The following PCDHGB4 variants were observed in gnomAD, a reference collection of about 807,000 sequenced individuals.
PCDHGB4 encodes protocadherin gamma subfamily B, 4.
PCDHGB4 carries 38 observed loss-of-function variants against 60.5 expected under a neutral mutation model. The observed-to-expected ratio is 0.63, with a 90% confidence interval of 0.48 to 0.82. PCDHGB4 has a LOEUF of 0.82. Among genes scored for constraint, PCDHGB4 ranks in the 40% least tolerant of loss-of-function variants. The probability of loss-of-function intolerance (pLI) is 0.00; values close to 1 mark genes in which losing one functional copy is unlikely to be tolerated. For synonymous variants in PCDHGB4, 456 were observed against 509.7 expected, an observed-to-expected ratio of 0.89 and a Z score of 1.42; for missense variants, 1,109 against 1,209.6, an observed-to-expected ratio of 0.92 and a Z score of 1.23.
Position 141,432,295 on chromosome 5 carries a change from G to A in PCDHGB4, c.2397+42014G>A. 6.2e-7 allele frequency: 1 copy of A among 1,614,222 alleles called. No individual in the cohort carries two copies. The highest frequency in any genetic ancestry group is 8.5e-7 in the Non-Finnish European group (1 of 1,180,034). ...ACGTGTCCATCAACTCCGACACTGG[G>A]GTACTGTATGCGCTGAGCTCCTTCG... is the stretch of plus-strand genomic sequence containing the variant. On this transcript the variant is annotated intron_variant, in intron 1 of 3. Coordinates refer to ENST00000519479, the MANE Select transcript of PCDHGB4 (RefSeq NM_003736.4). This position sits in a 1 kb window ranked among gnomAD's most constrained non-coding sequence, Gnocchi z 6.0.
In PCDHGB4 at chr5:141,432,931, G is replaced by A. The variant is rs2097550450; in HGVS notation, c.2397+42650G>A. The A allele has an allele frequency of 6.2e-7, 1 of 1,614,198 alleles. No individual in the cohort carries two copies. The highest frequency in any genetic ancestry group is 2.2e-5 in the East Asian group (1 of 44,864). Reference sequence around the variant, plus strand: ...TGCGGCGCTGGCACAAGTCACGCCTGCTGCAGGCTTCAGGAGGCGGCTTGA... The same window carrying A: ...TGCGGCGCTGGCACAAGTCACGCCTACTGCAGGCTTCAGGAGGCGGCTTGA... On this transcript the variant is annotated intron_variant, in intron 1 of 3. Transcript: ENST00000519479. The surrounding 1 kb of genome is among the most constrained non-coding windows in gnomAD (Gnocchi z 6.0).
chr5:141,421,216 T>G, intron 1 of PCDHGB4: 1 of 1,567,154 alleles, frequency 6.4e-7, no homozygotes, highest in Non-Finnish European at 8.6e-7. Flanking sequence ...GAATATCGGC[T>G]TAGAGCCTGC....
In PCDHGB4 at chr5:141,485,470, T is replaced by C; in HGVS notation, c.2398-9337T>C. ...ACCGAGAGGCACTGTGTGGGCTCAG[T>C]GCCAGCTGCATCGTGCCCCTGGAGT... On this transcript the variant is annotated intron_variant, in intron 1 of 3. Coordinates refer to ENST00000519479, the MANE Select transcript of PCDHGB4 (RefSeq NM_003736.4). This position sits in a 1 kb window ranked among gnomAD's most constrained non-coding sequence, Gnocchi z 5.7. 1.9e-6 allele frequency: 3 copies of C among 1,614,110 alleles called. No individual in the cohort carries two copies. The highest frequency in any genetic ancestry group is 2.5e-6 in the Non-Finnish European group (3 of 1,180,002).
At chr5:141,400,533 C>T in intron 1 of PCDHGB4, 11 of 1,613,902 alleles carry the variant, frequency 6.8e-6, no homozygotes, top group Non-Finnish European at 9.3e-6. Context: ...TGGTGAGTTT[C>T]ATTTATGTCT....
intron 1 of PCDHGB4, chr5:141,409,877 G>A: frequency 6.2e-7 from 1 of 1,612,860 alleles, no homozygotes; most frequent in Non-Finnish European, 8.5e-7. Context: ...CAATGACAAC[G>A]CACCGCGGGT....
rs2099883795 is a variant in PCDHGB4 at position 141,511,444 on chromosome 5, A to C, written c.*271A>C. 3.0e-6 allele frequency: 2 copies of C among 665,362 alleles called. No individual in the cohort carries two copies. The highest frequency in any genetic ancestry group is 3.6e-5 in the African/African-American group (2 of 54,978). 41.2% of individuals were successfully genotyped at this position (665,362 alleles called of 1,614,324 possible). On this transcript the variant is annotated 3_prime_UTR_variant, in exon 4 of 4. Coordinates refer to ENST00000519479, the MANE Select transcript of PCDHGB4 (RefSeq NM_003736.4). ...GGGTAGTGGGGTTACTGTAGACACC[A>C]AGAACCATTTGCCACACCCCGTTTA...
chr5:141,428,304 G>C, intron 1 of PCDHGB4: 1 of 695,706 alleles, frequency 1.4e-6, no homozygotes, highest in South Asian at 1.6e-5. Flanking sequence ...AGATTTACCT[G>C]GTCGTGGCCT....
intron 1 of PCDHGB4, among the ~76,000 whole-genome samples, chr5:141,407,088 G>T (rs955657125): frequency 4.6e-5 from 7 of 152,058 alleles, no homozygotes; most frequent in African/African-American, 1.7e-4. Context: ...ATGAAGAATT[G>T]TTTTATTTGT....
intron 1 of PCDHGB4, chr5:141,428,054 G>A (rs763394113): frequency 6.2e-7 from 1 of 1,609,038 alleles, no homozygotes; most frequent in Admixed American, 1.7e-5. Context: ...CCAAGGTGGT[G>A]GCGGTGGACG....
At chr5:141,403,699 T>G (rs780425739) in intron 1 of PCDHGB4, 6 of 1,613,934 alleles carry the variant, frequency 3.7e-6, no homozygotes, top group East Asian at 2.2e-5. Context: ...TTTACCGAGT[T>G]AAAGTCCTTG....
chr5:141,472,751 G>A (rs1000022316), intron 1 of PCDHGB4, among the ~76,000 whole-genome samples: 5 of 151,850 alleles, frequency 3.3e-5, no homozygotes, highest in East Asian at 3.9e-4. Flanking sequence ...TTTGGGAGGC[G>A]GAGGCTGGCA....
chr5:141,428,167 G>GCGTGA (rs746443726), intron 1 of PCDHGB4: 3 of 1,548,998 alleles, frequency 1.9e-6, no homozygotes, highest in South Asian at 1.1e-5. Context: ...TGGTTGCTGT[G>GCGTGA]CGTGACGGAG....
chr5:141,478,499 G>A (rs77463374), intron 1 of PCDHGB4: 18 of 1,612,728 alleles, frequency 1.1e-5, no homozygotes, highest in African/African-American at 2.7e-5. Context: ...CTGTGATCCG[G>A]TGTTCTATAG....
intron 1 of PCDHGB4, among the ~76,000 whole-genome samples, chr5:141,488,510 G>A (rs910546464): frequency 1.3e-5 from 2 of 152,152 alleles, no homozygotes; most frequent in Non-Finnish European, 2.9e-5. Context: ...TCCACATTTG[G>A]GGTCTGGGGT....
chr5:141,501,299 AC>A (rs1446641380), intron 2 of PCDHGB4, among the ~76,000 whole-genome samples: 1 of 149,208 alleles, frequency 6.7e-6, no homozygotes, highest in African/African-American at 2.5e-5. Flanking sequence ...ATACACACAC[AC>A]ACACACACAC....
intron 1 of PCDHGB4, among the ~76,000 whole-genome samples, chr5:141,439,398 T>C (rs2098110369): frequency 6.6e-6 from 1 of 152,212 alleles, no homozygotes; most frequent in Admixed American, 6.5e-5. Context: ...TTCGACTTCA[T>C]GTGCTAACAT....
Position 141,495,452 on chromosome 5 carries a change from CTCTG to C in PCDHGB4, c.2456+593_2456+596del, listed in dbSNP as rs550877100. ...GTCCTCTGCCCCTACTTGTCCTGCTCTCTGTCTGTGGGGTCTCCGTGTCTCTGCC... is the reference window on the plus strand; with the variant it reads ...GTCCTCTGCCCCTACTTGTCCTGCTCTCTGTGGGGTCTCCGTGTCTCTGCC... On this transcript the variant is annotated intron_variant, in intron 2 of 3. Coordinates refer to ENST00000519479, the MANE Select transcript of PCDHGB4 (RefSeq NM_003736.4). 5.6e-4 allele frequency among the ~76,000 whole-genome samples: 85 copies of C among 152,356 alleles called. 1 individual carries two copies. Among genetic ancestry groups the C allele is most frequent in the Admixed American group, 3.5e-3 (53 of 15,310 alleles).
At chr5:141,469,569 G>A (rs975304006) in intron 1 of PCDHGB4, among the ~76,000 whole-genome samples, 1 of 152,122 alleles carries the variant, frequency 6.6e-6, no homozygotes, top group Non-Finnish European at 1.5e-5. Flanking sequence ...GTGAGACTCT[G>A]TCTCTAAATA....
chr5:141,461,845 C>CA (rs2099025049), intron 1 of PCDHGB4, among the ~76,000 whole-genome samples: 1 of 151,000 alleles, frequency 6.6e-6, no homozygotes. Context: ...TTTTTTGAGA[C>CA]AGAGTTTTGC....
Sources: allele counts gnomAD v4.1 joint callset (sites outside exome capture counted in the v4.1 genomes callset), GRCh38; gene constraint gnomAD v4.1.1; non-coding constraint Gnocchi (gnomAD v3.1); transcripts MANE v1.5; gene names NCBI Gene and HGNC (gene_info 2026-07-23, HGNC 2026-07-21).